Variants in CYP11A1 observed in about 807,000 individuals in gnomAD.
The protein encoded by CYP11A1 is cholesterol side-chain cleavage enzyme, mitochondrial.
CYP11A1 carries 25 observed loss-of-function variants against 51.9 expected under a neutral mutation model. That is an observed-to-expected ratio of 0.48 (90% CI 0.35 to 0.67). The LOEUF (loss-of-function observed/expected upper bound fraction) is 0.67, where lower values mean the gene tolerates loss of function less well. Among genes scored for constraint, CYP11A1 ranks in the 30% least tolerant of loss-of-function variants. CYP11A1 has a pLI of 0.00. For synonymous variants in CYP11A1, 245 were observed against 262.1 expected (o/e 0.93, Z 0.63); for missense variants, 578 against 680.9 (o/e 0.85, Z 1.68).
At chr15:74,352,805 T>G (rs571905996) in intron 1 of CYP11A1, among the ~76,000 whole-genome samples, 1 of 152,362 alleles carries the variant, frequency 6.6e-6, no homozygotes, top group South Asian at 2.1e-4. Flanking sequence ...TTACATATGT[T>G]AATTAGTGTC....
intron 3 of CYP11A1, 101 bp from the exon 4 acceptor site, chr15:74,344,093 G>T: frequency 1.1e-6 from 1 of 951,292 alleles, no homozygotes; most frequent in Non-Finnish European, 1.7e-6. Context: ...CAGCACAAAG[G>T]ATCTCTTGCC....
At chr15:74,352,264 C>CTTTTTTTTT (rs34304260) in intron 1 of CYP11A1, among the ~76,000 whole-genome samples, 7 of 86,052 alleles carry the variant, frequency 8.1e-5, no homozygotes, top group East Asian at 6.6e-4. Flanking sequence ...TCTTTGCTAT[C>CTTTTTTTTT]TTTTTTTTTT....
intron 1 of CYP11A1, among the ~76,000 whole-genome samples, chr15:74,352,145 A>G (rs1211510826): frequency 6.6e-6 from 1 of 152,164 alleles, no homozygotes; most frequent in Admixed American, 6.5e-5. Flanking sequence ...AGTTCACGTG[A>G]CTTAAAGTAT....
At chr15:74,340,703 G>A (rs1442420504) in intron 5 of CYP11A1, among the ~76,000 whole-genome samples, 3 of 151,958 alleles carry the variant, frequency 2.0e-5, no homozygotes, top group South Asian at 2.1e-4. Flanking sequence ...TTTCAGATGC[G>A]GAAACTGAAA....
intron 2 of CYP11A1, among the ~76,000 whole-genome samples, chr15:74,346,434 C>T (rs937219734): frequency 6.6e-6 from 1 of 151,796 alleles, no homozygotes; most frequent in Non-Finnish European, 1.5e-5. Context: ...TTAGTTGCAC[C>T]GTTCCAAGTA....
At position 74,338,729 on chromosome 15, in the gene CYP11A1, G is replaced by T. The variant is rs778216958; in HGVS notation, c.1276C>A (p.Pro426Thr). ...TTTTCCGGGTCGAAGAAGAAGGTGG[G>T]CTCTCGGCCCAGAGCATAGATGGCC... ...QVAIYALGRE[P>T]TFFFDPENFD... Residue 426 changes from proline (P) to threonine (T), a missense_variant, in exon 8 of 9, where the codon CCC becomes ACC. Coordinates refer to ENST00000268053, the MANE Select transcript of CYP11A1 (RefSeq NM_000781.3). The T allele has an allele frequency of 6.2e-7, 1 of 1,614,196 alleles. No individual in the cohort carries two copies. The highest frequency in any genetic ancestry group is 1.7e-5 in the Admixed American group (1 of 60,032).
chr15:74,338,235 G>T, intron 8 of CYP11A1, 132 bp from the exon 9 acceptor site: 2 of 1,049,176 alleles, frequency 1.9e-6, no homozygotes, highest in East Asian at 2.4e-5. Context: ...ACCAGCTCCT[G>T]GTGTAACCCT....
chr15:74,345,196 ACCT>A lies in CYP11A1; in HGVS notation c.470_472del (p.Glu157del). 6.2e-7 allele frequency: 1 copy of A among 1,614,004 alleles called. No homozygotes were observed. On this transcript the variant is annotated inframe_deletion, in exon 3 of 9. Transcript: ENST00000268053. This position sits in a 1 kb window ranked among gnomAD's most constrained non-coding sequence, Gnocchi z 4.3. ...GTTCTTGGTGGCCTCTGGAGCCATC[ACCT>A]CCTGGTTCAGGGCCACCCGGTCTTT...
intron 1 of CYP11A1, among the ~76,000 whole-genome samples, chr15:74,360,998 T>G (rs1313457927): frequency 5.9e-5 from 9 of 152,126 alleles, no homozygotes; most frequent in Admixed American, 5.2e-4. Context: ...GTGTTGGGGG[T>G]TTTTTTGTGT....
chr15:74,343,641 TC>T, intron 4 of CYP11A1, 147 bp downstream of exon 4: 3 of 762,400 alleles, frequency 3.9e-6, no homozygotes, highest in Non-Finnish European at 7.1e-6. Flanking sequence ...TTTCCAGGGG[TC>T]CCAGGGCCTT....
At chr15:74,338,281 T>C (rs2060588742) in intron 8 of CYP11A1, 178 bp from the exon 9 acceptor site, 1 of 786,302 alleles carries the variant, frequency 1.3e-6, no homozygotes, top group African/African-American at 1.7e-5. Flanking sequence ...AGTGCTGCAT[T>C]TCCTTGATTT....
chr15:74,343,264 G>A (rs187541603), intron 4 of CYP11A1, 127 bp from the exon 5 acceptor site: 35 of 897,102 alleles, frequency 3.9e-5, no homozygotes, highest in Admixed American at 2.1e-4. Flanking sequence ...TTAGGCTGCC[G>A]TTTTACTGAG....
chr15:74,338,515 C>T, intron 8 of CYP11A1, 56 bp downstream of exon 8: 1 of 1,556,458 alleles, frequency 6.4e-7, no homozygotes, highest in South Asian at 1.1e-5. Flanking sequence ...AAGATTGGTG[C>T]CTTCATTAGG....
intron 1 of CYP11A1, among the ~76,000 whole-genome samples, chr15:74,358,500 G>A (rs1363077782): frequency 6.6e-6 from 1 of 152,076 alleles, no homozygotes; most frequent in Non-Finnish European, 1.5e-5. Flanking sequence ...TATCCACAAG[G>A]AAATCACTTC....
chr15:74,362,213 A>G, intron 1 of CYP11A1: 3 of 452,688 alleles, frequency 6.6e-6, no homozygotes, highest in Admixed American at 3.6e-5. Flanking sequence ...ATGATTATGA[A>G]ATAAAAACTA....
At chr15:74,354,908 C>T (rs887702317) in intron 1 of CYP11A1, among the ~76,000 whole-genome samples, 5 of 152,116 alleles carry the variant, frequency 3.3e-5, no homozygotes, top group South Asian at 2.1e-4. Context: ...TTAATCACTG[C>T]GGGGATGCCT....
In CYP11A1 at chr15:74,339,684, C is replaced by A. The variant is rs570454154; in HGVS notation, c.1060G>T (p.Ala354Ser). Residue 354 changes from alanine (A) to serine (S), a missense_variant, in exon 6 of 9, where the codon GCA (alanine) becomes TCA (serine). Transcript: ENST00000268053. The part of the protein sequence containing the change: ...RNLKVQDMLR[A>S]EVLAARHQAQ... ...TGGTGCCGCGCAGCCAAGACCTCTG[C>A]CCGCAGCATATCCTGCACCTTCAGG... 3.7e-6 allele frequency: 6 copies of A among 1,614,150 alleles called. No homozygotes were observed. The South Asian group carries it at 6.6e-5, about 18-fold the overall frequency.
In CYP11A1 at chr15:74,339,652, C is replaced by T. The variant is rs2141231329; in HGVS notation, c.1092G>A (p.Gln364=). 6.2e-7 allele frequency: 1 copy of T among 1,614,190 alleles called. No individual in the cohort carries two copies. The highest frequency in any genetic ancestry group is 2.2e-5 in the East Asian group (1 of 44,874). The part of the protein sequence containing the change: ...AEVLAARHQA[Q]GDMATMLQLV... ...GCTGTAGCATCGTGGCCATGTCTCCCTGGGCCTGGTGCCGCGCAGCCAAGA... is the reference window on the plus strand; with the variant it reads ...GCTGTAGCATCGTGGCCATGTCTCCTTGGGCCTGGTGCCGCGCAGCCAAGA... The change falls in exon 6 of 9, where the codon CAG becomes CAA. Residue 364 remains glutamine, a synonymous_variant. Coordinates refer to ENST00000268053, the MANE Select transcript of CYP11A1 (RefSeq NM_000781.3).
At chr15:74,367,194 AAAG>A (rs2060737652) in intron 1 of CYP11A1, 120 bp downstream of exon 1, 6 of 979,154 alleles carry the variant, frequency 6.1e-6, no homozygotes, top group South Asian at 4.7e-5. Context: ...AAAAAAAAAA[AAAG>A]AAGTTAGACA....
Sources: gnomAD v4.1 joint callset for allele counts (sites outside exome capture counted in the v4.1 genomes callset) on GRCh38, gnomAD v4.1.1 for gene constraint, Gnocchi (gnomAD v3.1) non-coding constraint, MANE v1.5 for transcripts, NCBI Gene and HGNC (gene_info 2026-07-23, HGNC 2026-07-21) for gene names.